Variants in FSTL5 observed in about 807,000 individuals in gnomAD.
FSTL5 encodes follistatin like 5.
FSTL5 carries 62 observed loss-of-function variants against 89.1 expected under a neutral mutation model. The observed-to-expected ratio is 0.70, with a 90% CI of 0.57 to 0.86. FSTL5 has a LOEUF of 0.86. Among genes scored for constraint, FSTL5 ranks in the 40% least tolerant of loss-of-function variants. The pLI is 0.00. For synonymous variants in FSTL5, 383 were observed against 346.2 expected (o/e 1.11, Z -1.18); for missense variants, 1,057 against 1,001.6 (o/e 1.06, Z -0.75).
At chr4:161,671,964 C>T (rs1441729310) in intron 6 of FSTL5, among the ~76,000 whole-genome samples, 1 of 152,078 alleles carries the variant, frequency 6.6e-6, no homozygotes, top group African/African-American at 2.4e-5. Flanking sequence ...TCTGATTATC[C>T]CATGTGAATC....
chr4:162,092,873 G>A (rs747833386), intron 2 of FSTL5, among the ~76,000 whole-genome samples: 11 of 144,868 alleles, frequency 7.6e-5, no homozygotes, highest in African/African-American at 1.8e-4. Flanking sequence ...CACTTGTACC[G>A]GGGAGGCAGA....
chr4:162,066,056 TTAC>T (rs1445777152), intron 2 of FSTL5, among the ~76,000 whole-genome samples: 4 of 152,084 alleles, frequency 2.6e-5, no homozygotes, highest in African/African-American at 9.6e-5. Context: ...TGCCTTTTAA[TTAC>T]AAGATTTAGA....
intron 13 of FSTL5, 42 bp downstream of exon 13, chr4:161,480,978 T>C (rs1221496348): frequency 7.3e-7 from 1 of 1,370,528 alleles, no homozygotes; most frequent in African/African-American, 1.5e-5. Flanking sequence ...ATATAAATAT[T>C]TTTTAAAGAT....
intron 7 of FSTL5, among the ~76,000 whole-genome samples, chr4:161,636,192 C>G (rs1735689839): frequency 6.6e-6 from 1 of 151,378 alleles, no homozygotes; most frequent in Non-Finnish European, 1.5e-5. Flanking sequence ...AAATTTCTGT[C>G]TCAAAGCATC....
At chr4:161,475,430 T>G (rs931845783) in intron 13 of FSTL5, among the ~76,000 whole-genome samples, 6 of 152,240 alleles carry the variant, frequency 3.9e-5, no homozygotes, top group Admixed American at 2.6e-4. Context: ...TAGACTTGGT[T>G]CACTCCTCTT....
chr4:161,638,454 A>G (rs1735815070), intron 7 of FSTL5, among the ~76,000 whole-genome samples: 1 of 152,044 alleles, frequency 6.6e-6, no homozygotes, highest in Non-Finnish European at 1.5e-5. Context: ...AATACCCTTT[A>G]TTTCCTTCTC....
chr4:162,102,270 A>G (rs1731025827), intron 2 of FSTL5, among the ~76,000 whole-genome samples: 1 of 152,044 alleles, frequency 6.6e-6, no homozygotes. Flanking sequence ...TTTATCTATA[A>G]AAGGATCACT....
chr4:162,001,536 A>C (rs530399725), intron 3 of FSTL5, among the ~76,000 whole-genome samples: 9 of 152,062 alleles, frequency 5.9e-5, no homozygotes, highest in Admixed American at 3.9e-4. Context: ...GAGCAGATTT[A>C]TATGTTGTGA....
chr4:161,464,218 T>G (rs1414723053), intron 13 of FSTL5, among the ~76,000 whole-genome samples: 1 of 152,170 alleles, frequency 6.6e-6, no homozygotes, highest in Non-Finnish European at 1.5e-5. Context: ...TCTCTAGCCT[T>G]GTCGCCGACT....
intron 15 of FSTL5, among the ~76,000 whole-genome samples, chr4:161,446,645 G>A (rs1318215179): frequency 6.6e-6 from 1 of 151,984 alleles, no homozygotes; most frequent in Non-Finnish European, 1.5e-5. Flanking sequence ...TGCTATATAT[G>A]ATTGATTCAA....
At chr4:161,860,100 AGC>A (rs1484279626) in intron 4 of FSTL5, among the ~76,000 whole-genome samples, 9 of 152,184 alleles carry the variant, frequency 5.9e-5, no homozygotes, top group South Asian at 4.1e-4. Context: ...CATCCTGGCT[AGC>A]GCAGTGAAAC....
chr4:161,588,491 A>G (rs1053916661), intron 7 of FSTL5, among the ~76,000 whole-genome samples: 2 of 152,168 alleles, frequency 1.3e-5, no homozygotes, highest in African/African-American at 4.8e-5. Flanking sequence ...CATTTTGAAA[A>G]AAAAGAAAGG....
chr4:161,556,838 G>GTC (rs1377892638), intron 8 of FSTL5, among the ~76,000 whole-genome samples: 1 of 133,720 alleles, frequency 7.5e-6, no homozygotes, highest in African/African-American at 2.6e-5. Context: ...ATGTGTGTGT[G>GTC]TGTGTGTGTA....
chr4:161,884,458 G>A (rs1014107653), intron 4 of FSTL5, among the ~76,000 whole-genome samples: 1 of 152,106 alleles, frequency 6.6e-6, no homozygotes, highest in Non-Finnish European at 1.5e-5. Context: ...TCCTCCCTAT[G>A]TCTCATTAGG....
intron 6 of FSTL5, among the ~76,000 whole-genome samples, chr4:161,741,813 G>C (rs1391617221): frequency 6.6e-6 from 1 of 151,074 alleles, no homozygotes; most frequent in Non-Finnish European, 1.5e-5. Flanking sequence ...TCAGCCCCCT[G>C]AGTAGCTGGG....
chr4:162,084,140 T>C (rs920803435), intron 2 of FSTL5, among the ~76,000 whole-genome samples: 14 of 151,954 alleles, frequency 9.2e-5, no homozygotes, highest in African/African-American at 3.4e-4. Context: ...TTTGCTAGAA[T>C]GAACAGATGC....
At chr4:161,893,805 G>T (rs1733064555) in intron 4 of FSTL5, among the ~76,000 whole-genome samples, 1 of 152,130 alleles carries the variant, frequency 6.6e-6, no homozygotes, top group African/African-American at 2.4e-5. Context: ...AGAATTTTCA[G>T]TTCTCTAAAT....
At chr4:162,124,734 C>T (rs1231613050) in intron 1 of FSTL5, among the ~76,000 whole-genome samples, 2 of 152,058 alleles carry the variant, frequency 1.3e-5, no homozygotes, top group Admixed American at 1.3e-4. Context: ...GAGTCTCGCT[C>T]TGTCGCCCAG....
chr4:162,048,598 TACACAC>T lies in FSTL5; in HGVS notation c.127-14946_127-14941del, dbSNP rs34979000. ...TGTACATTTAATACCATTATACACA[TACACAC>T]ACACACACACACACACACACACGAA... is the stretch of plus-strand genomic sequence containing the variant. On this transcript the variant is annotated intron_variant, in intron 2 of 15. Transcript: ENST00000306100. Among the ~76,000 whole-genome samples the T allele has an allele frequency of 3.5e-3, 519 of 149,154 alleles. 3 individuals are homozygous for T. Among genetic ancestry groups the T allele is most frequent in the African/African-American group, 8.6e-3 (348 of 40,692 alleles).
Sources: allele counts gnomAD v4.1 joint callset (sites outside exome capture counted in the v4.1 genomes callset), GRCh38; gene constraint gnomAD v4.1.1; transcripts MANE v1.5; gene names NCBI Gene and HGNC (gene_info 2026-07-23, HGNC 2026-07-21).